The following ZMAT4 variants were observed in gnomAD, a reference collection of about 807,000 sequenced individuals.
ZMAT4 encodes the protein zinc finger matrin-type 4, also known as zinc finger matrin-type protein 4.
A neutral mutation model predicts 28.7 loss-of-function variants in ZMAT4; 17 were observed. The ratio of observed to expected loss-of-function variants is 0.59; its 90% CI spans 0.41 to 0.89. The LOEUF (loss-of-function observed/expected upper bound fraction) is 0.89. Among genes scored for constraint, ZMAT4 ranks in the 40% least tolerant of loss-of-function variants. The pLI, the probability that ZMAT4 is intolerant of heterozygous loss-of-function variation, is 0.00. For missense variants in ZMAT4, 240 were observed against 283.8 expected (o/e 0.85, Z 1.11); for synonymous variants, 117 against 109.2 (o/e 1.07, Z -0.44).
chr8:40,604,367 A>G (rs2599687), intron 5 of ZMAT4, among the ~76,000 whole-genome samples: 116,874 of 152,112 alleles, frequency 0.77, 45,085 homozygotes, highest in East Asian at 0.97. Context: ...TGTCATGGAC[A>G]ACTTTTATTA....
intron 6 of ZMAT4, among the ~76,000 whole-genome samples, chr8:40,570,942 A>T (rs1804078360): frequency 6.6e-6 from 1 of 152,048 alleles, no homozygotes; most frequent in Non-Finnish European, 1.5e-5. Flanking sequence ...ACCCCTGGAG[A>T]TTGGTACTGG....
intron 5 of ZMAT4, among the ~76,000 whole-genome samples, chr8:40,642,765 G>A (rs1807100261): frequency 6.6e-6 from 1 of 152,218 alleles, no homozygotes; most frequent in Non-Finnish European, 1.5e-5. Context: ...ACCAGATTTA[G>A]AGGAGGAGCA....
intron 5 of ZMAT4, among the ~76,000 whole-genome samples, chr8:40,612,811 G>GTT (rs57134245): frequency 2.1e-4 from 18 of 86,252 alleles, no homozygotes; most frequent in South Asian, 7.2e-4. Flanking sequence ...TTTGGTTTTT[G>GTT]TTTTTTTTTT....
At chr8:40,816,923 T>C (rs1321027131) in intron 2 of ZMAT4, among the ~76,000 whole-genome samples, 1 of 152,170 alleles carries the variant, frequency 6.6e-6, no homozygotes, top group Non-Finnish European at 1.5e-5. Context: ...CATCCAACCA[T>C]GAGAGACGGC....
chr8:40,544,946 T>C (rs946027676), intron 6 of ZMAT4, among the ~76,000 whole-genome samples: 2 of 152,172 alleles, frequency 1.3e-5, no homozygotes, highest in African/African-American at 4.8e-5. Context: ...TTCTAACAAA[T>C]AGCATATGAA....
At chr8:40,666,565 A>C in intron 5 of ZMAT4, among the ~76,000 whole-genome samples, 1 of 152,186 alleles carries the variant, frequency 6.6e-6, no homozygotes, top group East Asian at 1.9e-4. Flanking sequence ...AATTATTTGC[A>C]CTATTAAAGT....
chr8:40,657,234 G>C (rs1483822093), intron 5 of ZMAT4, among the ~76,000 whole-genome samples: 1 of 152,056 alleles, frequency 6.6e-6, no homozygotes, highest in Non-Finnish European at 1.5e-5. Context: ...AACAAAGAAA[G>C]CGTGTTATGC....
chr8:40,837,005 C>A (rs1816517510), intron 1 of ZMAT4, among the ~76,000 whole-genome samples: 1 of 152,162 alleles, frequency 6.6e-6, no homozygotes, highest in Non-Finnish European at 1.5e-5. Flanking sequence ...CAAATAATGG[C>A]TGGATAGATA....
intron 1 of ZMAT4, among the ~76,000 whole-genome samples, chr8:40,894,804 G>A (rs543927541): frequency 7.9e-5 from 12 of 151,954 alleles, no homozygotes; most frequent in Admixed American, 2.0e-4. Flanking sequence ...TTGTAAAAGC[G>A]TTTACCAAAA....
At chr8:40,788,526 A>G (rs1266623936) in intron 2 of ZMAT4, among the ~76,000 whole-genome samples, 2 of 152,176 alleles carry the variant, frequency 1.3e-5, no homozygotes, top group African/African-American at 4.8e-5. Flanking sequence ...CAGAGCTTGC[A>G]GTGAGCTGAG....
intron 1 of ZMAT4, among the ~76,000 whole-genome samples, chr8:40,829,750 G>A (rs557932737): frequency 6.6e-4 from 100 of 152,290 alleles, no homozygotes; most frequent in Middle Eastern, 6.8e-3. Context: ...GGATTATCAA[G>A]AATCTCTTCA....
At chr8:40,790,081 C>T (rs567383229) in intron 2 of ZMAT4, among the ~76,000 whole-genome samples, 4 of 152,284 alleles carry the variant, frequency 2.6e-5, no homozygotes, top group Non-Finnish European at 5.9e-5. Flanking sequence ...TTCCCCACTC[C>T]CCTGCCTGCC....
intron 4 of ZMAT4, among the ~76,000 whole-genome samples, chr8:40,686,760 TTACC>T (rs1809427171): frequency 1.3e-5 from 2 of 152,196 alleles, no homozygotes. Context: ...GTGGGTTATT[TTACC>T]TACAGTGAGA....
Position 40,531,100 on chromosome 8 carries a change from C to T in ZMAT4, c.*1123G>A, listed in dbSNP as rs1461533849. The T allele has an allele frequency of 6.6e-6, 1 of 152,568 alleles. No homozygotes were observed. Among genetic ancestry groups the T allele is most frequent in the South Asian group, 2.1e-4 (1 of 4,824 alleles). 9.5% of individuals were successfully genotyped at this position (152,568 alleles called of 1,614,324 possible). A position where few individuals can be genotyped will look rare whatever the true frequency, so the allele number is the denominator to read the frequency against. On this transcript the variant is annotated 3_prime_UTR_variant, in exon 7 of 7. Coordinates refer to ENST00000297737, the MANE Select transcript of ZMAT4 (RefSeq NM_024645.3). ...TCAGTAGAAGCTCAACGTCCCACTT[C>T]GTAACCAGGCTACAAGACACCAAGT...
intron 5 of ZMAT4, among the ~76,000 whole-genome samples, chr8:40,643,563 T>C (rs1352917161): frequency 1.3e-5 from 2 of 152,126 alleles, no homozygotes; most frequent in Non-Finnish European, 1.5e-5. Flanking sequence ...ATACAAGGTC[T>C]CTGCCATCAC....
chr8:40,819,818 G>C (rs1173566461), intron 2 of ZMAT4, among the ~76,000 whole-genome samples: 4 of 151,924 alleles, frequency 2.6e-5, no homozygotes, highest in Admixed American at 6.6e-5. Context: ...CTGTGTGTGT[G>C]TTTATGAATT....
At chr8:40,775,993 T>C (rs1198365820) in intron 2 of ZMAT4, among the ~76,000 whole-genome samples, 2 of 152,178 alleles carry the variant, frequency 1.3e-5, no homozygotes, top group Non-Finnish European at 2.9e-5. Flanking sequence ...GAGAGAGCCA[T>C]CGCCAGAAAC....
chr8:40,697,127 T>A, intron 4 of ZMAT4, 118 bp downstream of exon 4: 1 of 1,234,932 alleles, frequency 8.1e-7, no homozygotes, highest in South Asian at 1.7e-5. Context: ...AGGCTTTGAA[T>A]GACGTCTACC....
intron 2 of ZMAT4, among the ~76,000 whole-genome samples, chr8:40,774,046 G>A (rs1395740941): frequency 6.6e-6 from 1 of 151,898 alleles, no homozygotes; most frequent in Non-Finnish European, 1.5e-5. Context: ...AGCAAAGAAA[G>A]AAAAAAATGC....
Sources: allele counts gnomAD v4.1 joint callset (sites outside exome capture counted in the v4.1 genomes callset), GRCh38; gene constraint gnomAD v4.1.1; transcripts MANE v1.5; gene names NCBI Gene and HGNC (gene_info 2026-07-23, HGNC 2026-07-21).